Variants in RAB8B observed in about 807,000 individuals in gnomAD.
The protein encoded by RAB8B is ras-related protein Rab-8B.
RAB8B carries 11 observed loss-of-function variants against 32.0 expected under a neutral mutation model. The observed-to-expected ratio is 0.34, with a 90% CI of 0.22 to 0.57. The LOEUF is 0.57. Among genes scored for constraint, RAB8B ranks in the 20% least tolerant of loss-of-function variants. The pLI, the probability that RAB8B is intolerant of heterozygous loss-of-function variation, is 0.86. For synonymous variants in RAB8B, 103 were observed against 89.6 expected, an observed-to-expected ratio of 1.15 and a Z score of -0.85; for missense variants, 190 against 258.5, an observed-to-expected ratio of 0.73 and a Z score of 1.82.
intron 1 of RAB8B, among the ~76,000 whole-genome samples, chr15:63,235,405 T>C (rs569452681): frequency 2.7e-4 from 41 of 152,280 alleles, no homozygotes; most frequent in African/African-American, 9.6e-4. Flanking sequence ...CCTCCATGTA[T>C]GTTTTCCAGG....
At chr15:63,201,960 T>C (rs12595312) in intron 1 of RAB8B, among the ~76,000 whole-genome samples, 97,593 of 151,350 alleles carry the variant, frequency 0.64, 32,089 homozygotes, top group East Asian at 0.98. Flanking sequence ...CAGTGGTCTA[T>C]AATAACTATT....
intron 1 of RAB8B, among the ~76,000 whole-genome samples, chr15:63,200,597 A>G (rs1255333236): frequency 6.6e-6 from 1 of 151,734 alleles, no homozygotes; most frequent in Non-Finnish European, 1.5e-5. Context: ...AGACCAGCCT[A>G]GGCAACATAG....
chr15:63,204,277 C>G (rs1269330600), intron 1 of RAB8B, among the ~76,000 whole-genome samples: 1 of 152,072 alleles, frequency 6.6e-6, no homozygotes, highest in Non-Finnish European at 1.5e-5. Flanking sequence ...TTAAATTCAT[C>G]CCCAGAGTGA....
intron 1 of RAB8B, among the ~76,000 whole-genome samples, chr15:63,233,928 C>T (rs933323230): frequency 6.6e-6 from 1 of 152,106 alleles, no homozygotes; most frequent in South Asian, 2.1e-4. Context: ...GCATTGAAAT[C>T]TTGCATTGTT....
At chr15:63,246,386 G>A (rs184329705) in intron 2 of RAB8B, among the ~76,000 whole-genome samples, 243 of 152,248 alleles carry the variant, frequency 1.6e-3, no homozygotes, top group Non-Finnish European at 1.8e-3. Flanking sequence ...ATAAATTGGG[G>A]TTCTGATGAC....
chr15:63,216,833 C>G (rs1162862608), intron 1 of RAB8B, among the ~76,000 whole-genome samples: 1 of 147,384 alleles, frequency 6.8e-6, no homozygotes, highest in Non-Finnish European at 1.5e-5. Context: ...GCACTCCAGC[C>G]TGGGTGACAG....
chr15:63,254,142 A>G (rs2038141178), intron 3 of RAB8B, among the ~76,000 whole-genome samples: 1 of 152,180 alleles, frequency 6.6e-6, no homozygotes, highest in South Asian at 2.1e-4. Context: ...CAAGAGATTT[A>G]CAATGTTTCT....
intron 3 of RAB8B, among the ~76,000 whole-genome samples, chr15:63,254,084 A>G (rs1213478092): frequency 1.3e-5 from 2 of 152,190 alleles, no homozygotes; most frequent in African/African-American, 2.4e-5. Context: ...CAGCCTTGCC[A>G]AGCTGACTTT....
intron 1 of RAB8B, among the ~76,000 whole-genome samples, chr15:63,192,568 G>T (rs80317237): frequency 6.6e-6 from 1 of 152,156 alleles, no homozygotes; most frequent in Admixed American, 6.5e-5. Flanking sequence ...AACGCCTGGG[G>T]TTTGTGTGTA....
At chr15:63,263,264 A>T (rs1396004332) in intron 7 of RAB8B, among the ~76,000 whole-genome samples, 2 of 152,168 alleles carry the variant, frequency 1.3e-5, no homozygotes, top group Admixed American at 1.3e-4. Context: ...TGGAACTAGA[A>T]ATAGAAGCTT....
intron 1 of RAB8B, among the ~76,000 whole-genome samples, chr15:63,199,541 T>C (rs2037630601): frequency 6.6e-6 from 1 of 152,210 alleles, no homozygotes; most frequent in African/African-American, 2.4e-5. Flanking sequence ...ATAATTTCTT[T>C]AACATGCACA....
chr15:63,192,227 C>A (rs1292152575), intron 1 of RAB8B, among the ~76,000 whole-genome samples: 1 of 152,206 alleles, frequency 6.6e-6, no homozygotes, highest in Non-Finnish European at 1.5e-5. Flanking sequence ...CTTCAAACTG[C>A]AGAATTATAT....
At chr15:63,249,737 A>G in intron 3 of RAB8B, 32 bp downstream of exon 3, 2 of 1,587,794 alleles carry the variant, frequency 1.3e-6, no homozygotes, top group Non-Finnish European at 1.7e-6. Context: ...GTAACTCTTC[A>G]GGTAGAAGTA....
intron 1 of RAB8B, among the ~76,000 whole-genome samples, chr15:63,215,593 G>C (rs904410710): frequency 1.3e-5 from 2 of 152,106 alleles, no homozygotes; most frequent in African/African-American, 2.4e-5. Context: ...AATGCCTGAG[G>C]TCCTCATAAT....
intron 1 of RAB8B, among the ~76,000 whole-genome samples, chr15:63,218,459 G>C (rs1384536285): frequency 6.6e-6 from 1 of 152,154 alleles, no homozygotes; most frequent in Admixed American, 6.5e-5. Context: ...AATATCGTTG[G>C]ACTCCACTAT....
chr15:63,190,168 G>C (rs2037543413), intron 1 of RAB8B, among the ~76,000 whole-genome samples: 1 of 145,552 alleles, frequency 6.9e-6, no homozygotes, highest in African/African-American at 2.5e-5. Flanking sequence ...ATGTGAAGGG[G>C]GAAATGAGGG....
chr15:63,239,536 C>A (rs1349214524), intron 1 of RAB8B, among the ~76,000 whole-genome samples: 1 of 151,796 alleles, frequency 6.6e-6, no homozygotes, highest in Non-Finnish European at 1.5e-5. Flanking sequence ...CCTGCCTTAG[C>A]CTCCCCGCTA....
intron 1 of RAB8B, among the ~76,000 whole-genome samples, chr15:63,211,987 A>G (rs879913539): frequency 6.6e-5 from 10 of 152,090 alleles, no homozygotes; most frequent in Non-Finnish European, 1.2e-4. Context: ...GTGTCCCACC[A>G]TGCCCAGCTC....
intron 1 of RAB8B, among the ~76,000 whole-genome samples, chr15:63,197,162 A>T (rs141060279): frequency 4.7e-4 from 71 of 151,990 alleles, no homozygotes; most frequent in Admixed American, 4.6e-3. Flanking sequence ...ATTTAAAAAA[A>T]ATATTTATAT....
Sources: gnomAD v4.1 joint callset for allele counts (sites outside exome capture counted in the v4.1 genomes callset) on GRCh38, gnomAD v4.1.1 for gene constraint, MANE v1.5 for transcripts, NCBI Gene and HGNC (gene_info 2026-07-23, HGNC 2026-07-21) for gene names.